PBRM1: variants seen among roughly 807,000 people sequenced by gnomAD.
The protein encoded by PBRM1 is polybromo 1.
PBRM1 carries 27 observed loss-of-function variants against 194.5 expected under a neutral mutation model. The observed-to-expected ratio is 0.14, with a 90% confidence interval of 0.10 to 0.19. The LOEUF is 0.19. Ranked by LOEUF, PBRM1 falls within the 10% of genes least tolerant of loss-of-function variation. The pLI, the probability that PBRM1 is intolerant of heterozygous loss-of-function variation, is 1.00. For synonymous variants in PBRM1, 655 were observed against 693.2 expected, an observed-to-expected ratio of 0.94 and a Z score of 0.87; for missense variants, 1,466 against 2,077.2, an observed-to-expected ratio of 0.71 and a Z score of 5.72.
At chr3:52,664,455 G>A (rs954955075) in intron 3 of PBRM1, among the ~76,000 whole-genome samples, 23 of 145,248 alleles carry the variant, frequency 1.6e-4, no homozygotes, top group African/African-American at 4.5e-4. Flanking sequence ...CAACACAGAC[G>A]CTGGGCGCGG....
rs192840726 is a variant in PBRM1 at position 52,571,567 on chromosome 3, G to A, written c.3691+4974C>T. Among the ~76,000 whole-genome samples the A allele has an allele frequency of 4.1e-4, 60 of 146,020 alleles. No homozygotes were observed. The East Asian group carries it at 5.0e-3, about 12-fold the overall frequency. ...CTTGAACCCAGGAGGTGGAGGTTGCGGTGAACCGAGATTGCACCATTGCAC... is the reference window on the plus strand; with the variant it reads ...CTTGAACCCAGGAGGTGGAGGTTGCAGTGAACCGAGATTGCACCATTGCAC... On this transcript the variant is annotated intron_variant, in intron 22 of 29. Transcript: ENST00000296302.
chr3:52,584,902 G>A (rs1181005147), intron 20 of PBRM1, among the ~76,000 whole-genome samples: 1 of 151,888 alleles, frequency 6.6e-6, no homozygotes, highest in Admixed American at 6.6e-5. Flanking sequence ...TAGGCTTCAG[G>A]CTTGAGACAC....
intron 2 of PBRM1, among the ~76,000 whole-genome samples, chr3:52,678,113 C>A (rs1006881132): frequency 1.3e-5 from 2 of 151,864 alleles, no homozygotes; most frequent in African/African-American, 4.8e-5. Flanking sequence ...CTCAAGAGAT[C>A]TTTCCGCATA....
intron 17 of PBRM1, among the ~76,000 whole-genome samples, chr3:52,590,125 G>T (rs1201757451): frequency 6.6e-6 from 1 of 151,676 alleles, no homozygotes; most frequent in African/African-American, 2.4e-5. Flanking sequence ...GCGCCCAGAT[G>T]ACTTTTATTT....
chr3:52,663,262 G>A (rs1375600300), intron 3 of PBRM1, among the ~76,000 whole-genome samples: 1 of 152,158 alleles, frequency 6.6e-6, no homozygotes, highest in Admixed American at 6.5e-5. Flanking sequence ...GGGCAGCGAG[G>A]AGGGAAGACA....
intron 29 of PBRM1, among the ~76,000 whole-genome samples, chr3:52,550,082 G>A (rs562685195): frequency 9.3e-4 from 142 of 152,252 alleles, no homozygotes; most frequent in Non-Finnish European, 1.6e-3. Context: ...GCCAGGTGTG[G>A]TGGCATGTGC....
intron 22 of PBRM1, among the ~76,000 whole-genome samples, chr3:52,564,995 C>T (rs575288594): frequency 1.2e-4 from 18 of 151,612 alleles, no homozygotes; most frequent in Admixed American, 1.1e-3. Flanking sequence ...GTCAAGAGAT[C>T]GAGACCGTCC....
In PBRM1 at chr3:52,584,070, T is replaced by C. The variant is rs186312259; in HGVS notation, c.3387+2355A>G. 3.7e-3 allele frequency among the ~76,000 whole-genome samples: 567 copies of C among 152,282 alleles called. 3 individuals carry two copies. Among genetic ancestry groups the C allele is most frequent in the South Asian group, 0.015 (71 of 4,832 alleles). On this transcript the variant is annotated intron_variant, in intron 20 of 29. Coordinates refer to ENST00000296302, the Ensembl canonical transcript of PBRM1. ...AGGGCAAAGCTCTCTTTCATACCCC[T>C]TTTTCCCCCTTGTTTTCTGGTGACT...
chr3:52,627,947 C>CTA (rs1345279479), intron 12 of PBRM1, among the ~76,000 whole-genome samples: 3 of 152,158 alleles, frequency 2.0e-5, no homozygotes, highest in Non-Finnish European at 4.4e-5. Context: ...TATGGGTGAT[C>CTA]TAAAATTGCC....
intron 22 of PBRM1, among the ~76,000 whole-genome samples, chr3:52,569,441 A>G (rs1157690545): frequency 6.6e-6 from 1 of 151,804 alleles, no homozygotes; most frequent in African/African-American, 2.4e-5. Flanking sequence ...TGATCTCCTG[A>G]CCTCGTGATC....
chr3:52,657,298 A>C (rs2096624832), intron 5 of PBRM1, among the ~76,000 whole-genome samples: 1 of 152,236 alleles, frequency 6.6e-6, no homozygotes, highest in Non-Finnish European at 1.5e-5. Flanking sequence ...AAATTTTATG[A>C]TACATATCCT....
intron 3 of PBRM1, among the ~76,000 whole-genome samples, chr3:52,667,605 T>C (rs548858720): frequency 4.0e-4 from 61 of 151,568 alleles, no homozygotes; most frequent in African/African-American, 1.3e-3. Context: ...ATACAAAAAT[T>C]AGCCAGGCAT....
intron 13 of PBRM1, among the ~76,000 whole-genome samples, chr3:52,625,201 C>G (rs1021314403): frequency 3.9e-5 from 6 of 152,200 alleles, no homozygotes; most frequent in Non-Finnish European, 8.8e-5. Flanking sequence ...ATACACAGCA[C>G]TTAGAAGTCA....
chr3:52,567,565 CAAA>C (rs10644120), intron 22 of PBRM1, among the ~76,000 whole-genome samples: 1 of 91,704 alleles, frequency 1.1e-5, no homozygotes, highest in Non-Finnish European at 2.2e-5. Context: ...TAGGTAATCT[CAAA>C]AAAAAAAAAA....
chr3:52,627,351 G>C (rs762715677), exon 13 of PBRM1: 12 of 1,612,560 alleles, frequency 7.4e-6, no homozygotes, highest in Non-Finnish European at 1.0e-5. Context: ...GTCTCTCCTG[G>C]CAAGCTCTTT....
intron 3 of PBRM1, among the ~76,000 whole-genome samples, chr3:52,666,274 G>A (rs547904722): frequency 8.5e-5 from 13 of 152,292 alleles, no homozygotes; most frequent in African/African-American, 3.1e-4. Flanking sequence ...AGGCATGGTG[G>A]CTCACGCCTG....
intron 20 of PBRM1, among the ~76,000 whole-genome samples, chr3:52,580,066 T>C (rs2090699095): frequency 6.6e-6 from 1 of 152,070 alleles, no homozygotes; most frequent in African/African-American, 2.4e-5. Flanking sequence ...TACAGTGAGA[T>C]CTCATTTCCA....
chr3:52,558,722 C>T (rs1404158077), intron 25 of PBRM1, among the ~76,000 whole-genome samples: 3 of 152,270 alleles, frequency 2.0e-5, no homozygotes, highest in African/African-American at 4.8e-5. Context: ...GTTAATCTCA[C>T]GAGGCACCCT....
Position 52,662,287 on chromosome 3 carries a change from G to GA in PBRM1, c.385-12_385-11insT. On this transcript the variant is annotated splice_polypyrimidine_tract_variant and intron_variant, in intron 3 of 29. Transcript: ENST00000296302. ...TTCAGGAGAATCTGGCTGTATGTTA[G>GA]CAAAGAGAAAAAAAAAAACACTTTA... is the stretch of plus-strand genomic sequence containing the variant. 1.3e-6 allele frequency: 2 copies of GA among 1,571,398 alleles called. No homozygotes were observed. The highest frequency in any genetic ancestry group is 2.0e-5 in the Admixed American group (1 of 49,946).
Sources: allele counts gnomAD v4.1 joint callset (sites outside exome capture counted in the v4.1 genomes callset), GRCh38; gene constraint gnomAD v4.1.1; transcripts MANE v1.5; gene names NCBI Gene and HGNC (gene_info 2026-07-23, HGNC 2026-07-21).